RPS19: variants seen among roughly 807,000 people sequenced by gnomAD.
RPS19 encodes small ribosomal subunit protein eS19.
In RPS19, 1 loss-of-function variant was observed where a neutral mutation model predicts 20.3. That is an observed-to-expected ratio of 0.05 (90% confidence interval 0.02 to 0.23). The LOEUF (loss-of-function observed/expected upper bound fraction) is 0.23. RPS19 is among the 10% of genes least tolerant of loss of function. The pLI, the probability that RPS19 is intolerant of heterozygous loss-of-function variation, is 1.00. For synonymous variants in RPS19, 87 were observed against 74.8 expected (o/e 1.16, Z -0.84); for missense variants, 111 against 192.7 (o/e 0.58, Z 2.51).
intron 5 of RPS19, 85 bp downstream of exon 5, chr19:41,869,838 T>C (rs745316683): frequency 3.0e-4 from 437 of 1,433,044 alleles, no homozygotes; most frequent in Non-Finnish European, 4.0e-4. Flanking sequence ...GGTAGACTTA[T>C]TTCCTTCTCT....
At chr19:41,869,608 T>G (rs1555841508) in intron 4 of RPS19, 91 bp from the exon 5 acceptor site, 3 of 1,455,420 alleles carry the variant, frequency 2.1e-6, no homozygotes, top group Admixed American at 1.7e-5. Flanking sequence ...GCAGGTGGCT[T>G]TTTGAGAAGC....
intron 5 of RPS19, among the ~76,000 whole-genome samples, chr19:41,870,848 C>CTTTTTTTTTTTTTTTTTTTTTTTTT (rs2074139987): frequency 2.3e-5 from 2 of 85,766 alleles, no homozygotes; most frequent in African/African-American, 8.9e-5. Context: ...CCACTCCCTT[C>CTTTTTTTTTTTTTTTTTTTTTTTTT]CTTTTTTTTT....
intron 3 of RPS19, among the ~76,000 whole-genome samples, chr19:41,862,872 C>T (rs184500520): frequency 2.0e-4 from 31 of 152,192 alleles, no homozygotes; most frequent in African/African-American, 6.3e-4. Context: ...GCTGTCCTAG[C>T]GGCATAGGAT....
At chr19:41,865,247 C>T (rs1056218530) in intron 3 of RPS19, among the ~76,000 whole-genome samples, 19 of 152,152 alleles carry the variant, frequency 1.2e-4, no homozygotes, top group Non-Finnish European at 1.5e-5. Context: ...CGCCTGTAGT[C>T]CCAGCTACTG....
chr19:41,866,603 G>A (rs963149328), intron 3 of RPS19, among the ~76,000 whole-genome samples: 12 of 152,316 alleles, frequency 7.9e-5, no homozygotes, highest in Middle Eastern at 3.4e-3. Context: ...GCCAACAGCA[G>A]GGCTGTGCTC....
At chr19:41,867,266 CA>C (rs113748599) in intron 3 of RPS19, among the ~76,000 whole-genome samples, 411 of 127,650 alleles carry the variant, frequency 3.2e-3, no homozygotes, top group Non-Finnish European at 3.0e-3. Flanking sequence ...GCCCTGTCTC[CA>C]AAAAAAAAAA....
At chr19:41,869,575 C>A in intron 4 of RPS19, 124 bp from the exon 5 acceptor site, 8 of 980,404 alleles carry the variant, frequency 8.2e-6, no homozygotes, top group South Asian at 4.0e-5. Flanking sequence ...CTGACTAGGG[C>A]CCTCAGTGGG....
chr19:41,865,202 A>C (rs2074072133), intron 3 of RPS19, among the ~76,000 whole-genome samples: 2 of 152,134 alleles, frequency 1.3e-5, no homozygotes, highest in African/African-American at 4.8e-5. Context: ...CCCCGTCTCT[A>C]CTAAAAATAA....
intron 1 of RPS19, chr19:41,860,541 A>G (rs1555838947): frequency 3.5e-6 from 2 of 570,930 alleles, no homozygotes; most frequent in South Asian, 1.9e-5. Flanking sequence ...GGGGTCGCGC[A>G]GGATCCTCAC....
intron 5 of RPS19, among the ~76,000 whole-genome samples, chr19:41,870,690 A>G (rs1242934851): frequency 6.6e-6 from 1 of 151,958 alleles, no homozygotes; most frequent in African/African-American, 2.4e-5. Flanking sequence ...TCACAAAAGA[A>G]TGGAAAGTGT....
chr19:41,871,468 G>C lies in RPS19; in HGVS notation c.*91G>C. On this transcript the variant is annotated 3_prime_UTR_variant, in exon 6 of 6. Coordinates refer to ENST00000598742, the MANE Select transcript of RPS19 (RefSeq NM_001022.4). ...CTCTTGCTCTGTCGCCCAGGCTGGA[G>C]TGCAGTGGCGCCATCTCAGCTCACT... 8.9e-7 allele frequency: 1 copy of C among 1,122,456 alleles called. No homozygotes were observed. Among genetic ancestry groups the C allele is most frequent in the South Asian group, 1.2e-5 (1 of 80,474 alleles). The allele number at this position is 1,122,456 out of a possible 1,614,324, so 69.5% of individuals were successfully genotyped here.
intron 3 of RPS19, among the ~76,000 whole-genome samples, chr19:41,868,627 C>T (rs1337408266): frequency 6.6e-6 from 1 of 152,146 alleles, no homozygotes; most frequent in Non-Finnish European, 1.5e-5. Context: ...AGAGTGTCTG[C>T]CCTGCCCTTG....
intron 3 of RPS19, among the ~76,000 whole-genome samples, chr19:41,867,774 C>A (rs1018485408): frequency 3.3e-5 from 5 of 152,208 alleles, no homozygotes; most frequent in African/African-American, 9.7e-5. Flanking sequence ...CACAGCACCC[C>A]AGCCTGGGTG....
chr19:41,870,486 G>T (rs984803293), intron 5 of RPS19, among the ~76,000 whole-genome samples: 5 of 152,102 alleles, frequency 3.3e-5, no homozygotes, highest in African/African-American at 1.2e-4. Context: ...GGGCAGAGTG[G>T]CCACACCCCT....
At chr19:41,861,534 C>G (rs1555839294) in intron 3 of RPS19, 1 of 387,044 alleles carries the variant, frequency 2.6e-6, no homozygotes, top group Non-Finnish European at 4.9e-6. Context: ...TTGGATCCAT[C>G]TTTTACATCT....
intron 3 of RPS19, among the ~76,000 whole-genome samples, chr19:41,865,681 G>C (rs1490198122): frequency 6.6e-6 from 1 of 152,082 alleles, no homozygotes; most frequent in Non-Finnish European, 1.5e-5. Flanking sequence ...CGGCGCGGTG[G>C]CTCACACCTG....
At chr19:41,864,979 C>T (rs1555840119) in intron 3 of RPS19, 1 of 152,196 alleles carries the variant, frequency 6.6e-6, no homozygotes, top group African/African-American at 2.4e-5. Context: ...CCTCTCCCTT[C>T]TAGTGGGTCA....
At chr19:41,868,890 G>A in intron 3 of RPS19, 141 bp from the exon 4 acceptor site, 1 of 865,668 alleles carries the variant, frequency 1.2e-6, no homozygotes, top group South Asian at 1.6e-5. Context: ...GAGGAGAGGG[G>A]GCTGTCAGTT....
intron 3 of RPS19, among the ~76,000 whole-genome samples, chr19:41,865,917 C>T (rs2074081779): frequency 1.4e-5 from 2 of 138,206 alleles, no homozygotes; most frequent in South Asian, 4.6e-4. Context: ...CCACTGCACT[C>T]CAGCCTGGGC....
Sources: gnomAD v4.1 joint callset for allele counts (sites outside exome capture counted in the v4.1 genomes callset) on GRCh38, gnomAD v4.1.1 for gene constraint, MANE v1.5 for transcripts, NCBI Gene and HGNC (gene_info 2026-07-23, HGNC 2026-07-21) for gene names.